The following DOCK5 variants were observed in gnomAD, a reference collection of about 807,000 sequenced individuals.
DOCK5 encodes the protein dedicator of cytokinesis protein 5.
In DOCK5, 142 loss-of-function variants were observed where a neutral mutation model predicts 251.8. That is an observed-to-expected ratio of 0.56 (90% confidence interval 0.49 to 0.65). The LOEUF is 0.65. DOCK5 is among the 30% of genes least tolerant of loss of function. The probability of loss-of-function intolerance (pLI) is 0.00; values close to 1 mark genes in which losing one functional copy is unlikely to be tolerated. For synonymous variants in DOCK5, 842 were observed against 835.5 expected, an observed-to-expected ratio of 1.01 and a Z score of -0.13; for missense variants, 2,111 against 2,312.3, an observed-to-expected ratio of 0.91 and a Z score of 1.79.
At chr8:25,306,721 T>TA (rs1804947761) in intron 11 of DOCK5, among the ~76,000 whole-genome samples, 1 of 151,762 alleles carries the variant, frequency 6.6e-6, no homozygotes, top group Admixed American at 6.6e-5. Flanking sequence ...TAAAATAAAA[T>TA]AAATAAATAA....
intron 1 of DOCK5, among the ~76,000 whole-genome samples, chr8:25,225,304 A>G (rs1395128620): frequency 1.3e-5 from 2 of 152,234 alleles, no homozygotes; most frequent in South Asian, 2.1e-4. Flanking sequence ...ACTCGTGTTC[A>G]TAGCAGCACC....
intron 14 of DOCK5, 95 bp downstream of exon 14, chr8:25,317,226 G>T: frequency 2.0e-6 from 3 of 1,531,424 alleles, no homozygotes; most frequent in East Asian, 4.5e-5. Flanking sequence ...TTTGCATCAG[G>T]ATGGGTTTGA....
intron 2 of DOCK5, among the ~76,000 whole-genome samples, chr8:25,256,638 CAAAAA>C (rs891243325): frequency 2.0e-5 from 1 of 48,946 alleles, no homozygotes; most frequent in Non-Finnish European, 4.4e-5. Context: ...ATCTCCATCT[CAAAAA>C]AAAAAAAAAA....
At chr8:25,392,227 C>G (rs1478416091) in intron 43 of DOCK5, among the ~76,000 whole-genome samples, 1 of 151,982 alleles carries the variant, frequency 6.6e-6, no homozygotes, top group East Asian at 1.9e-4. Flanking sequence ...TTGCTTAAAC[C>G]CAGGAGGCGG....
chr8:25,238,498 C>T (rs1200159319), intron 1 of DOCK5, among the ~76,000 whole-genome samples: 1 of 152,142 alleles, frequency 6.6e-6, no homozygotes, highest in Non-Finnish European at 1.5e-5. Flanking sequence ...TGTGCTTTTG[C>T]CCAGAGACAT....
At chr8:25,284,349 T>A (rs1374758925) in intron 5 of DOCK5, among the ~76,000 whole-genome samples, 1 of 152,216 alleles carries the variant, frequency 6.6e-6, no homozygotes, top group Non-Finnish European at 1.5e-5. Flanking sequence ...AGCTGATTGA[T>A]AATGAGAAGT....
Position 25,403,596 on chromosome 8 carries a change from G to T in DOCK5, c.4965G>T (p.Gly1655=), listed in dbSNP as rs1269970368. 3 of 1,613,952 alleles carry T rather than the reference G, an allele frequency of 1.9e-6. No homozygotes were observed. The South Asian group carries it at 3.3e-5, about 18-fold the overall frequency. The part of the protein sequence containing the change: ...NLTERKQSRT[G]SIVLPYIMSS... ...CGGAGAGGAAGCAAAGCCGCACGGG[G>T]TCTATTGTGCTCCCCTACATCATGT... Residue 1655 remains glycine (G), a synonymous_variant, in exon 48 of 52, where the codon GGG becomes GGT. Transcript: ENST00000276440.
intron 6 of DOCK5, 54 bp from the exon 7 acceptor site, chr8:25,296,458 AG>A (rs1423595395): frequency 1.9e-5 from 30 of 1,571,184 alleles, no homozygotes; most frequent in South Asian, 2.3e-5. Context: ...AGGACTCCTC[AG>A]TAAAAAGTCT....
intron 17 of DOCK5, among the ~76,000 whole-genome samples, chr8:25,324,493 G>A (rs984551928): frequency 6.6e-6 from 1 of 152,170 alleles, no homozygotes; most frequent in South Asian, 2.1e-4. Context: ...ATCTCATTTA[G>A]CCAACAATAT....
intron 2 of DOCK5, among the ~76,000 whole-genome samples, chr8:25,263,707 C>G (rs559901765): frequency 6.6e-6 from 1 of 151,788 alleles, no homozygotes; most frequent in South Asian, 2.1e-4. Flanking sequence ...GGCTCTGACA[C>G]CCCGTCTGCT....
At chr8:25,282,673 A>C (rs2709607) in intron 5 of DOCK5, among the ~76,000 whole-genome samples, 113,863 of 151,202 alleles carry the variant, frequency 0.75, 44,626 homozygotes, top group Middle Eastern at 0.88. Flanking sequence ...AGCCTGGGTG[A>C]CATAGCAAGA....
intron 40 of DOCK5, among the ~76,000 whole-genome samples, chr8:25,386,340 G>A (rs1801164047): frequency 6.6e-6 from 1 of 152,170 alleles, no homozygotes. Context: ...CCCAGCACTG[G>A]TAGGCCAAGG....
At position 25,413,018 on chromosome 8, in the gene DOCK5, A is replaced by G. The variant is rs1801657982; in HGVS notation, c.*1720A>G. ...AATCATGGGCTTTGGAATTAAACCC[A>G]TTTGGTGGAATTAAACCCATTTGGT... On this transcript the variant is annotated 3_prime_UTR_variant, in exon 52 of 52. Transcript: ENST00000276440. The G allele has an allele frequency of 6.6e-6, 1 of 152,184 alleles. No homozygotes were observed. The highest frequency in any genetic ancestry group is 2.4e-5 in the African/African-American group (1 of 41,462). 9.4% of individuals were successfully genotyped at this position (152,184 alleles called of 1,614,324 possible). A position where few individuals can be genotyped will look rare whatever the true frequency, so the allele number is the denominator to read the frequency against.
intron 2 of DOCK5, among the ~76,000 whole-genome samples, chr8:25,251,998 A>G (rs1292670239): frequency 6.6e-6 from 1 of 152,122 alleles, no homozygotes; most frequent in Non-Finnish European, 1.5e-5. Flanking sequence ...ATCTCAAAAA[A>G]AAAAAAAAAA....
At chr8:25,377,816 C>G (rs1401434202) in intron 38 of DOCK5, among the ~76,000 whole-genome samples, 1 of 152,182 alleles carries the variant, frequency 6.6e-6, no homozygotes, top group African/African-American at 2.4e-5. Flanking sequence ...TGTCTTCCCC[C>G]TGTGAACTCG....
At chr8:25,203,645 A>G (rs1586225696) in intron 1 of DOCK5, among the ~76,000 whole-genome samples, 1 of 152,336 alleles carries the variant, frequency 6.6e-6, no homozygotes, top group East Asian at 1.9e-4. Flanking sequence ...TTCTGATACA[A>G]TGTGGTGGCA....
intron 1 of DOCK5, among the ~76,000 whole-genome samples, chr8:25,242,859 G>T (rs1157144799): frequency 2.6e-5 from 4 of 152,154 alleles, no homozygotes; most frequent in Non-Finnish European, 5.9e-5. Flanking sequence ...TCACTGGAGG[G>T]TGGATGGGCC....
intron 1 of DOCK5, among the ~76,000 whole-genome samples, chr8:25,190,745 C>T (rs1039179742): frequency 1.3e-4 from 18 of 143,714 alleles, no homozygotes; most frequent in Non-Finnish European, 2.6e-4. Context: ...TATAATGACC[C>T]GAAGAAGGCC....
chr8:25,339,815 C>T (rs1467873492), intron 22 of DOCK5, among the ~76,000 whole-genome samples: 1 of 152,124 alleles, frequency 6.6e-6, no homozygotes, highest in East Asian at 1.9e-4. Flanking sequence ...TGGGGGACAA[C>T]TAGAGAAGTA....
Sources: gnomAD v4.1 joint callset for allele counts (sites outside exome capture counted in the v4.1 genomes callset) on GRCh38, gnomAD v4.1.1 for gene constraint, MANE v1.5 for transcripts, NCBI Gene and HGNC (gene_info 2026-07-23, HGNC 2026-07-21) for gene names.